Variants in STK10 observed in about 807,000 individuals in gnomAD.
STK10 encodes the protein serine/threonine-protein kinase 10.
In STK10, 78 loss-of-function variants were observed where a neutral mutation model predicts 113.8. The ratio of observed to expected loss-of-function variants is 0.69; its 90% CI spans 0.57 to 0.83. The LOEUF (loss-of-function observed/expected upper bound fraction) is 0.83. Ranked by LOEUF, STK10 falls within the 40% of genes least tolerant of loss-of-function variation. The pLI is 0.00. For synonymous variants in STK10, 465 were observed against 494.7 expected (o/e 0.94, Z 0.80); for missense variants, 1,109 against 1,280.1 (o/e 0.87, Z 2.04).
chr5:172,080,957 C>T (rs1300146795), intron 12 of STK10, among the ~76,000 whole-genome samples: 1 of 152,182 alleles, frequency 6.6e-6, no homozygotes, highest in Non-Finnish European at 1.5e-5. Context: ...GGCTTCAAAG[C>T]TTCAAAGGAC....
At chr5:172,048,380 A>C (rs1767540426) in intron 18 of STK10, among the ~76,000 whole-genome samples, 1 of 146,350 alleles carries the variant, frequency 6.8e-6, no homozygotes, top group Non-Finnish European at 1.5e-5. Context: ...CCAATTCCTT[A>C]AAATAACTAA....
chr5:172,073,214 G>A (rs1476596650), intron 12 of STK10, among the ~76,000 whole-genome samples: 1 of 152,094 alleles, frequency 6.6e-6, no homozygotes, highest in Non-Finnish European at 1.5e-5. Flanking sequence ...CAGTAGTGGT[G>A]CGATCTTGGC....
chr5:172,096,683 T>G, intron 7 of STK10, 123 bp from the exon 8 acceptor site: 1 of 1,341,668 alleles, frequency 7.5e-7, no homozygotes, highest in Non-Finnish European at 1.0e-6. Context: ...AATGTGCACA[T>G]GAACTTGGAG....
chr5:172,085,073 C>A (rs1768520807), intron 10 of STK10, among the ~76,000 whole-genome samples: 1 of 151,984 alleles, frequency 6.6e-6, no homozygotes, highest in African/African-American at 2.4e-5. Context: ...AGCGAGACCT[C>A]ATCTCTGCCA....
intron 2 of STK10, among the ~76,000 whole-genome samples, chr5:172,137,996 C>T (rs943397761): frequency 5.3e-5 from 8 of 151,926 alleles, no homozygotes; most frequent in East Asian, 3.9e-4. Flanking sequence ...TCCAAGATCA[C>T]GAACAAGGCA....
At chr5:172,141,156 G>C (rs1050019292) in intron 2 of STK10, among the ~76,000 whole-genome samples, 1 of 152,254 alleles carries the variant, frequency 6.6e-6, no homozygotes, top group East Asian at 1.9e-4. Context: ...TAAAGTTTCA[G>C]TTAAGCCAGA....
At chr5:172,131,030 CTGT>C (rs1288235701) in intron 2 of STK10, among the ~76,000 whole-genome samples, 1 of 131,784 alleles carries the variant, frequency 7.6e-6, no homozygotes, top group African/African-American at 3.0e-5. Flanking sequence ...ATGCCATCAG[CTGT>C]TTTTTTTTTT....
chr5:172,127,263 G>C (rs561880728), intron 3 of STK10, 110 bp downstream of exon 3: 68 of 1,195,392 alleles, frequency 5.7e-5, no homozygotes, highest in Non-Finnish European at 7.4e-5. Context: ...GGAACTGATG[G>C]AATGGGAGAG....
intron 1 of STK10, among the ~76,000 whole-genome samples, chr5:172,184,584 C>T (rs1770918807): frequency 6.6e-6 from 1 of 152,044 alleles, no homozygotes; most frequent in South Asian, 2.1e-4. Flanking sequence ...ATGGTGGATT[C>T]GGAGGTAGGC....
chr5:172,122,701 G>A (rs1428140180), intron 3 of STK10, among the ~76,000 whole-genome samples: 1 of 152,158 alleles, frequency 6.6e-6, no homozygotes, highest in Non-Finnish European at 1.5e-5. Context: ...TAGGCTCACT[G>A]CAAGCTCCGC....
chr5:172,127,972 C>T (rs1769661073), intron 2 of STK10, among the ~76,000 whole-genome samples: 1 of 152,198 alleles, frequency 6.6e-6, no homozygotes, highest in Non-Finnish European at 1.5e-5. Flanking sequence ...CTGACCAAGG[C>T]CACAGAGATT....
chr5:172,092,224 C>T (rs1768728622), intron 9 of STK10, among the ~76,000 whole-genome samples: 2 of 152,168 alleles, frequency 1.3e-5, no homozygotes, highest in African/African-American at 2.4e-5. Flanking sequence ...GAGAACTGCT[C>T]CTGGCCAGGG....
At chr5:172,065,505 A>G (rs868674019) in intron 12 of STK10, among the ~76,000 whole-genome samples, 2 of 152,232 alleles carry the variant, frequency 1.3e-5, no homozygotes, top group African/African-American at 4.8e-5. Flanking sequence ...GATTACAGGC[A>G]TGTGCCACCG....
intron 1 of STK10, among the ~76,000 whole-genome samples, chr5:172,172,198 C>A (rs1770674125): frequency 6.6e-6 from 1 of 152,028 alleles, no homozygotes; most frequent in African/African-American, 2.4e-5. Flanking sequence ...CTCAAAAAAA[C>A]AAACAGTATG....
intron 7 of STK10, 74 bp downstream of exon 7, chr5:172,105,582 C>T: frequency 6.6e-7 from 1 of 1,510,748 alleles, no homozygotes; most frequent in Non-Finnish European, 9.2e-7. Flanking sequence ...GAGAACATGC[C>T]CAGCGTCCAG....
intron 2 of STK10, among the ~76,000 whole-genome samples, chr5:172,134,647 G>A (rs142112435): frequency 3.5e-4 from 52 of 150,144 alleles, no homozygotes; most frequent in African/African-American, 1.1e-3. Flanking sequence ...AATGGCTCAC[G>A]CCTGTAATCT....
Position 172,114,473 on chromosome 5 carries a change from A to ATATATATAT in STK10, c.520+3007_520+3008insATATATATA, listed in dbSNP as rs1226289994. 4 of 47,540 alleles carry ATATATATAT rather than the reference A, an allele frequency of 8.4e-5. 1 individual carries two copies. The highest frequency in any genetic ancestry group is 4.2e-4 in the African/African-American group (3 of 7,074). The allele number at this position is 47,540 out of a possible 1,614,324, so 2.9% of individuals were successfully genotyped here. On this transcript the variant is annotated intron_variant, in intron 4 of 18. Transcript: ENST00000176763. ...ATTATATATATATATATATATATAT[A>ATATATATAT]TTTTTTTTTTTTTTTTTTTTTTTTT...
chr5:172,122,356 G>A (rs185101407), intron 3 of STK10, among the ~76,000 whole-genome samples: 19 of 152,126 alleles, frequency 1.2e-4, no homozygotes, highest in Admixed American at 7.9e-4. Flanking sequence ...AACTCTTCCC[G>A]TTTCCAGTCC....
intron 1 of STK10, among the ~76,000 whole-genome samples, chr5:172,162,158 T>C (rs941246881): frequency 2.6e-5 from 4 of 151,944 alleles, no homozygotes; most frequent in Non-Finnish European, 5.9e-5. Context: ...CTGACCAACA[T>C]GGTAAAACCC....
Sources: allele counts gnomAD v4.1 joint callset (sites outside exome capture counted in the v4.1 genomes callset), GRCh38; gene constraint gnomAD v4.1.1; transcripts MANE v1.5; gene names NCBI Gene and HGNC (gene_info 2026-07-23, HGNC 2026-07-21).